PIBF1: variants seen among roughly 807,000 people sequenced by gnomAD.
The protein encoded by PIBF1 is progesterone immunomodulatory binding factor 1, also known as progesterone-induced-blocking factor 1.
A neutral mutation model predicts 112.5 loss-of-function variants in PIBF1; 90 were observed. That is an observed-to-expected ratio of 0.80 (90% CI 0.67 to 0.95). The LOEUF (loss-of-function observed/expected upper bound fraction) is 0.95, where lower values mean the gene tolerates loss of function less well. PIBF1 is among the 40% of genes least tolerant of loss of function. The pLI is 0.00. For synonymous variants in PIBF1, 301 were observed against 288.6 expected (o/e 1.04, Z -0.44); for missense variants, 915 against 852.3 (o/e 1.07, Z -0.92).
At chr13:72,810,925 A>T (rs1415602112) in intron 5 of PIBF1, among the ~76,000 whole-genome samples, 1 of 150,658 alleles carries the variant, frequency 6.6e-6, no homozygotes, top group Non-Finnish European at 1.5e-5. Context: ...GGCACAATAT[A>T]GGCTTACTGC....
intron 13 of PIBF1, among the ~76,000 whole-genome samples, chr13:72,923,204 G>A (rs1391383122): frequency 6.6e-6 from 1 of 152,146 alleles, no homozygotes; most frequent in Non-Finnish European, 1.5e-5. Context: ...CCTCCATTGT[G>A]CTTTGATATC....
intron 2 of PIBF1, among the ~76,000 whole-genome samples, chr13:72,790,466 T>TACAC (rs1566271692): frequency 6.0e-4 from 58 of 95,988 alleles, no homozygotes; most frequent in Non-Finnish European, 1.2e-3. Context: ...CACACACACT[T>TACAC]ATAGATAGAT....
intron 3 of PIBF1, 113 bp from the exon 4 acceptor site, chr13:72,795,246 A>G (rs1456920318): frequency 1.0e-4 from 70 of 684,458 alleles, no homozygotes; most frequent in Non-Finnish European, 1.3e-4. Flanking sequence ...TAAGTAAATA[A>G]TACTGTCAGG....
intron 9 of PIBF1, among the ~76,000 whole-genome samples, chr13:72,835,592 T>A (rs1227533244): frequency 9.4e-5 from 1 of 10,602 alleles, no homozygotes; most frequent in Non-Finnish European, 1.6e-4. Flanking sequence ...TGTTATGTCT[T>A]TTTTTTTTAC....
chr13:73,007,751 G>A (rs544122924), intron 17 of PIBF1, among the ~76,000 whole-genome samples: 110 of 150,804 alleles, frequency 7.3e-4, no homozygotes, highest in African/African-American at 2.4e-3. Flanking sequence ...AGAGGTTGCA[G>A]TGAGACAAGA....
chr13:72,879,082 A>T (rs1220994163), intron 10 of PIBF1, among the ~76,000 whole-genome samples: 1 of 152,174 alleles, frequency 6.6e-6, no homozygotes, highest in Non-Finnish European at 1.5e-5. Context: ...GCATTTACAT[A>T]CAATGTGATT....
intron 2 of PIBF1, among the ~76,000 whole-genome samples, chr13:72,788,032 C>T (rs922983233): frequency 1.3e-5 from 2 of 152,178 alleles, no homozygotes; most frequent in Non-Finnish European, 2.9e-5. Context: ...GTCATTCATT[C>T]TCCAAAGCTT....
chr13:72,795,252 T>C (rs1425709493), intron 3 of PIBF1, 107 bp from the exon 4 acceptor site: 2 of 698,456 alleles, frequency 2.9e-6, no homozygotes, highest in African/African-American at 1.8e-5. Context: ...AATAATACTG[T>C]CAGGTTTCTG....
At chr13:72,945,297 T>G (rs1362329833) in intron 14 of PIBF1, among the ~76,000 whole-genome samples, 1 of 152,220 alleles carries the variant, frequency 6.6e-6, no homozygotes, top group Non-Finnish European at 1.5e-5. Flanking sequence ...TCCATTGTTA[T>G]GGGCACGTAG....
chr13:72,791,886 G>A (rs1292898894), intron 2 of PIBF1, among the ~76,000 whole-genome samples: 1 of 150,926 alleles, frequency 6.6e-6, no homozygotes, highest in Non-Finnish European at 1.5e-5. Flanking sequence ...TGCCCGCCTC[G>A]GCCTCCCAAA....
chr13:72,829,272 CTTTAG>C (rs1430433665), intron 8 of PIBF1, among the ~76,000 whole-genome samples: 1 of 152,286 alleles, frequency 6.6e-6, no homozygotes, highest in Non-Finnish European at 1.5e-5. Flanking sequence ...TGCAGAAGCT[CTTTAG>C]TTTAATTAGA....
At chr13:72,854,404 C>G (rs2038318518) in intron 10 of PIBF1, among the ~76,000 whole-genome samples, 1 of 152,038 alleles carries the variant, frequency 6.6e-6, no homozygotes, top group Non-Finnish European at 1.5e-5. Context: ...TAGAACAGTT[C>G]AGTTACTCCA....
intron 17 of PIBF1, among the ~76,000 whole-genome samples, chr13:73,013,414 A>G (rs1013215157): frequency 2.6e-5 from 4 of 151,760 alleles, no homozygotes; most frequent in African/African-American, 9.7e-5. Flanking sequence ...AATGTTAGAC[A>G]CCAAACCACA....
At chr13:72,883,780 G>A (rs568143384) in intron 10 of PIBF1, among the ~76,000 whole-genome samples, 3 of 152,256 alleles carry the variant, frequency 2.0e-5, no homozygotes, top group Non-Finnish European at 4.4e-5. Flanking sequence ...GAGTCACCAC[G>A]CCTGGCCTAA....
chr13:72,917,021 C>CT (rs1334814406), intron 12 of PIBF1, 55 bp from the exon 13 acceptor site: 5 of 1,176,032 alleles, frequency 4.3e-6, no homozygotes, highest in East Asian at 2.6e-5. Flanking sequence ...CTTCTGCCAT[C>CT]TTTTTTAAAG....
chr13:73,012,998 T>C (rs1174379037), intron 17 of PIBF1, among the ~76,000 whole-genome samples: 2 of 150,866 alleles, frequency 1.3e-5, no homozygotes, highest in Non-Finnish European at 3.0e-5. Context: ...CTATAGCATA[T>C]ATTTAATGAA....
At chr13:72,864,910 T>G (rs565552138) in intron 10 of PIBF1, among the ~76,000 whole-genome samples, 2 of 152,226 alleles carry the variant, frequency 1.3e-5, no homozygotes, top group Non-Finnish European at 2.9e-5. Context: ...TAATACATTT[T>G]TAAACTTGGC....
At chr13:72,900,139 G>A (rs148285885) in intron 11 of PIBF1, among the ~76,000 whole-genome samples, 9 of 152,198 alleles carry the variant, frequency 5.9e-5, no homozygotes, top group East Asian at 5.8e-4. Flanking sequence ...CCATGCTCAC[G>A]GATGTGTAGA....
At chr13:72,991,182 C>T (rs1244190507) in intron 16 of PIBF1, among the ~76,000 whole-genome samples, 1 of 152,144 alleles carries the variant, frequency 6.6e-6, no homozygotes, top group African/African-American at 2.4e-5. Context: ...TTTTAATATG[C>T]CACCACTTAT....
Sources: gnomAD v4.1 joint callset for allele counts (sites outside exome capture counted in the v4.1 genomes callset) on GRCh38, gnomAD v4.1.1 for gene constraint, MANE v1.5 for transcripts, NCBI Gene and HGNC (gene_info 2026-07-23, HGNC 2026-07-21) for gene names.